TMPRSS13: variants seen among roughly 807,000 people sequenced by gnomAD.
TMPRSS13 encodes transmembrane protease serine 13.
TMPRSS13 carries 50 observed loss-of-function variants against 68.4 expected under a neutral mutation model. The ratio of observed to expected loss-of-function variants is 0.73; its 90% CI spans 0.58 to 0.93. The LOEUF (loss-of-function observed/expected upper bound fraction) is 0.93, where lower values mean the gene tolerates loss of function less well. TMPRSS13 is among the 40% of genes least tolerant of loss of function. The probability of loss-of-function intolerance (pLI) is 0.00; values close to 1 mark genes in which losing one functional copy is unlikely to be tolerated. For synonymous variants in TMPRSS13, 267 were observed against 285.8 expected (o/e 0.93, Z 0.66); for missense variants, 615 against 729.2 (o/e 0.84, Z 1.80).
intron 8 of TMPRSS13, 149 bp downstream of exon 8, chr11:117,909,657 A>T: frequency 1.1e-6 from 1 of 922,778 alleles, no homozygotes; most frequent in South Asian, 1.7e-5. Context: ...GACCAGGTGA[A>T]CACCCAAGCT....
In TMPRSS13 at chr11:117,909,949, C is replaced by G; in HGVS notation, c.966G>C (p.Met322Ile). 1 of 1,614,176 alleles carries G rather than the reference C, an allele frequency of 6.2e-7. No individual in the cohort carries two copies. The highest frequency in any genetic ancestry group is 2.2e-5 in the East Asian group (1 of 44,876). ...GCGCCCCTCCCACGATCCGCCCGGT[C>G]ATGGCCCTCAGTCCGCAGTCTGGAG... ...LQCSHCGLRA[M>I]TGRIVGGALA... Residue 322 changes from methionine to isoleucine, a missense_variant, in exon 8 of 13, where the codon ATG becomes ATC. Coordinates refer to ENST00000524993, the MANE Select transcript of TMPRSS13 (RefSeq NM_001077263.3).
chr11:117,901,905 C>T lies in TMPRSS13; in HGVS notation c.*334G>A, dbSNP rs183882096. 2,248 of 373,302 alleles carry T rather than the reference C, an allele frequency of 6.0e-3. 10 individuals carry two copies. The highest frequency in any genetic ancestry group is 9.0e-3 in the Non-Finnish European group (1,790 of 199,352). The allele number at this position is 373,302 out of a possible 1,614,324, so 23.1% of individuals were successfully genotyped here. ...AGAGAAGCAAGAATTCCCAGCTCTT[C>T]CTTGGGCTCTGGGCTCCACCTCCTC... On this transcript the variant is annotated 3_prime_UTR_variant, in exon 13 of 13. Coordinates refer to ENST00000524993, the MANE Select transcript of TMPRSS13 (RefSeq NM_001077263.3).
intron 1 of TMPRSS13, among the ~76,000 whole-genome samples, chr11:117,919,067 C>T (rs2057615968): frequency 6.6e-6 from 1 of 152,186 alleles, no homozygotes; most frequent in African/African-American, 2.4e-5. Context: ...CACATAGGAC[C>T]TGCAGAGATG....
chr11:117,913,934 G>A, intron 4 of TMPRSS13, 28 bp from the exon 5 acceptor site: 6 of 1,610,354 alleles, frequency 3.7e-6, no homozygotes, highest in Non-Finnish European at 5.1e-6. Context: ...GGCAGAGCAG[G>A]TCCTCAGCAC....
intron 9 of TMPRSS13, 186 bp downstream of exon 9, chr11:117,908,426 C>A: frequency 1.5e-6 from 1 of 668,014 alleles, no homozygotes; most frequent in Non-Finnish European, 2.5e-6. Flanking sequence ...ATTTATAACC[C>A]TTGGGCTTCA....
intron 7 of TMPRSS13, chr11:117,910,486 G>C: frequency 1.9e-6 from 1 of 514,924 alleles, no homozygotes; most frequent in Non-Finnish European, 3.5e-6. Context: ...TGGAATAAAA[G>C]GTTGCTGGGC....
chr11:117,914,554 C>T lies in TMPRSS13; in HGVS notation c.557-40G>A, dbSNP rs777611063. 1 of 1,610,766 alleles carries T rather than the reference C, an allele frequency of 6.2e-7. No homozygotes were observed. Among genetic ancestry groups the T allele is most frequent in the Non-Finnish European group, 8.5e-7 (1 of 1,179,542 alleles). On this transcript the variant is annotated intron_variant, in intron 3 of 12. Coordinates refer to ENST00000524993, the MANE Select transcript of TMPRSS13 (RefSeq NM_001077263.3). This position sits in a 1 kb window ranked among gnomAD's most constrained non-coding sequence, Gnocchi z 4.2. Reference sequence around the variant, plus strand: ...GCAGACAGCTGGGTCATGGCCAGCCCCACTGAGATGAGACACTGAGCAGCC... The same window carrying T: ...GCAGACAGCTGGGTCATGGCCAGCCTCACTGAGATGAGACACTGAGCAGCC...
intron 3 of TMPRSS13, among the ~76,000 whole-genome samples, chr11:117,916,817 G>C (rs890769959): frequency 1.3e-5 from 2 of 152,202 alleles, no homozygotes; most frequent in African/African-American, 4.8e-5. Flanking sequence ...GTTGGAATGA[G>C]AACTTACGGG....
intron 1 of TMPRSS13, among the ~76,000 whole-genome samples, chr11:117,925,977 C>A (rs2057701581): frequency 6.6e-6 from 1 of 152,242 alleles, no homozygotes; most frequent in African/African-American, 2.4e-5. Context: ...AAACAGAGGA[C>A]AAGGTGAGGG....
At chr11:117,925,907 T>C (rs1393563255) in intron 1 of TMPRSS13, among the ~76,000 whole-genome samples, 2 of 152,240 alleles carry the variant, frequency 1.3e-5, no homozygotes, top group East Asian at 1.9e-4. Context: ...CAGGGGACAA[T>C]GCAGGGGAAA....
chr11:117,905,430 T>C (rs1591616312), intron 10 of TMPRSS13, among the ~76,000 whole-genome samples: 1 of 152,026 alleles, frequency 6.6e-6, no homozygotes, highest in East Asian at 1.9e-4. Flanking sequence ...GTGGTCTTGA[T>C]TGGAGGGCAT....
intron 9 of TMPRSS13, chr11:117,907,694 T>G: frequency 1.6e-6 from 1 of 621,152 alleles, no homozygotes; most frequent in Non-Finnish European, 2.0e-6. Flanking sequence ...TTGGCTATCC[T>G]TCCTCTGCTG....
intron 5 of TMPRSS13, among the ~76,000 whole-genome samples, chr11:117,913,042 C>A (rs117703847): frequency 6.6e-6 from 1 of 152,078 alleles, no homozygotes; most frequent in African/African-American, 2.4e-5. Flanking sequence ...CCTAACACCC[C>A]ACCCCAGGTG....
At chr11:117,902,349 A>C in intron 12 of TMPRSS13, 84 bp from the exon 13 acceptor site, 5 of 1,490,376 alleles carry the variant, frequency 3.4e-6, no homozygotes, top group Non-Finnish European at 4.7e-6. Flanking sequence ...TTCAGAACCT[A>C]TAATTTAGCC....
intron 10 of TMPRSS13, among the ~76,000 whole-genome samples, chr11:117,904,750 G>A (rs1382618325): frequency 6.6e-6 from 1 of 151,414 alleles, no homozygotes; most frequent in African/African-American, 2.4e-5. Context: ...CTTGTTTAAG[G>A]CCAGACAAAA....
rs556727218 is a variant in TMPRSS13 at position 117,917,329 on chromosome 11, T to C, written c.452-55A>G. ...GAGGCTGGAGAGGAGTCCGACGAGATGGAGAGGGTGGGGGAAACAAGACTG... is the reference window on the plus strand; with the variant it reads ...GAGGCTGGAGAGGAGTCCGACGAGACGGAGAGGGTGGGGGAAACAAGACTG... On this transcript the variant is annotated intron_variant, in intron 2 of 12. Transcript: ENST00000524993. The C allele has an allele frequency of 1.1e-5, 15 of 1,391,534 alleles. No homozygotes were observed. In the African/African-American group the frequency reaches 1.4e-4, roughly 13 times the overall value. The allele number at this position is 1,391,534 out of a possible 1,614,324, so 86.2% of individuals were successfully genotyped here.
At chr11:117,920,390 G>A (rs1490099083) in intron 1 of TMPRSS13, among the ~76,000 whole-genome samples, 1 of 152,120 alleles carries the variant, frequency 6.6e-6, no homozygotes, top group Non-Finnish European at 1.5e-5. Flanking sequence ...CCAGGCTGCA[G>A]TGCAGTGGCA....
Position 117,914,950 on chromosome 11 carries a change from C to T in TMPRSS13, c.557-436G>A, listed in dbSNP as rs904366087. ...CACAGCAGATAAATTTCTGTCCTCACAGTCACACAGGCAACCACCGTCTGT... is the reference window on the plus strand; with the variant it reads ...CACAGCAGATAAATTTCTGTCCTCATAGTCACACAGGCAACCACCGTCTGT... On this transcript the variant is annotated intron_variant, in intron 3 of 12. Transcript: ENST00000524993. This position sits in a 1 kb window ranked among gnomAD's most constrained non-coding sequence, Gnocchi z 4.2. Among the ~76,000 whole-genome samples the T allele has an allele frequency of 1.3e-5, 2 of 152,054 alleles. No individual in the cohort carries two copies. The highest frequency in any genetic ancestry group is 2.9e-5 in the Non-Finnish European group (2 of 68,010).
In TMPRSS13 at chr11:117,908,674, G is replaced by A. The variant is rs1400800268; in HGVS notation, c.1220C>T (p.Thr407Ile). 1 of 1,594,322 alleles carries A rather than the reference G, an allele frequency of 6.3e-7. No homozygotes were observed. The highest frequency in any genetic ancestry group is 1.3e-5 in the African/African-American group (1 of 74,800). The stretch of plus-strand genomic sequence containing the variant: ...GATGTCATAGTCGTCCTCCTCATCG[G>A]TGTAATTGCTGTTGATGATGATCTC... ...IAEIIINSNY[T>I]DEEDDYDIAL... The change falls in exon 9 of 13, where the codon ACC (threonine) becomes ATC (isoleucine). Residue 407 changes from threonine (T) to isoleucine (I), a missense_variant. Coordinates refer to ENST00000524993, the MANE Select transcript of TMPRSS13 (RefSeq NM_001077263.3).
Sources: gnomAD v4.1 joint callset for allele counts (sites outside exome capture counted in the v4.1 genomes callset) on GRCh38, gnomAD v4.1.1 for gene constraint, Gnocchi (gnomAD v3.1) non-coding constraint, MANE v1.5 for transcripts, NCBI Gene and HGNC (gene_info 2026-07-23, HGNC 2026-07-21) for gene names.